The following LINGO2 variants were observed in gnomAD, a reference collection of about 807,000 sequenced individuals.
LINGO2 encodes leucine rich repeat and Ig domain containing 2.
Under a neutral mutation model 30.6 loss-of-function variants are expected in LINGO2, and 14 were observed. The observed-to-expected ratio is 0.46, with a 90% confidence interval of 0.30 to 0.72. The LOEUF is 0.72. LINGO2 is among the 30% of genes least tolerant of loss of function. The pLI is 0.07. For missense variants in LINGO2, 729 were observed against 751.7 expected, an observed-to-expected ratio of 0.97 and a Z score of 0.35; for synonymous variants, 317 against 288.5, an observed-to-expected ratio of 1.10 and a Z score of -1.00.
At chr9:28,425,975 A>T (rs1331485928) in intron 2 of LINGO2, among the ~76,000 whole-genome samples, 1 of 152,068 alleles carries the variant, frequency 6.6e-6, no homozygotes, top group Non-Finnish European at 1.5e-5. Context: ...TATTTTCAAG[A>T]TTAAATTCAT....
intron 5 of LINGO2, among the ~76,000 whole-genome samples, chr9:27,952,096 A>G (rs375420732): frequency 8.9e-4 from 135 of 152,198 alleles, no homozygotes; most frequent in African/African-American, 3.1e-3. Flanking sequence ...ATTAATGTCT[A>G]TCATGGAAAC....
chr9:28,928,305 T>C, the LINGO2 span, among the ~76,000 whole-genome samples: 33 of 152,196 alleles, frequency 2.2e-4, no homozygotes, highest in Admixed American at 2.2e-3. Context: ...AATATTCTCA[T>C]GGAATAAATT....
intron 1 of LINGO2, among the ~76,000 whole-genome samples, chr9:28,517,797 C>T (rs1157073969): frequency 2.0e-5 from 3 of 152,150 alleles, no homozygotes; most frequent in Non-Finnish European, 1.5e-5. Flanking sequence ...AATGTTTACT[C>T]TACCCAGAAG....
At chr9:28,947,421 TTCTGCA>T in the LINGO2 span, among the ~76,000 whole-genome samples, 1 of 152,052 alleles carries the variant, frequency 6.6e-6, no homozygotes, top group African/African-American at 2.4e-5. Flanking sequence ...GAACTTCTGT[TTCTGCA>T]TCTTTACTCT....
the LINGO2 span, among the ~76,000 whole-genome samples, chr9:28,966,263 G>T: frequency 1.3e-5 from 2 of 152,084 alleles, no homozygotes; most frequent in African/African-American, 4.8e-5. Flanking sequence ...TTGAGAAGCA[G>T]GGTAAGAATC....
the LINGO2 span, among the ~76,000 whole-genome samples, chr9:29,031,480 A>G: frequency 6.6e-6 from 1 of 151,930 alleles, no homozygotes; most frequent in East Asian, 1.9e-4. Flanking sequence ...ACAGAGTTTC[A>G]GCATGTTGGC....
chr9:27,980,644 T>C (rs932538340), intron 5 of LINGO2, among the ~76,000 whole-genome samples: 5 of 151,888 alleles, frequency 3.3e-5, no homozygotes, highest in Admixed American at 2.0e-4. Context: ...CTCTTTTCAT[T>C]TGTTGGTATG....
At chr9:28,097,420 GA>G (rs1826277047) in intron 4 of LINGO2, among the ~76,000 whole-genome samples, 2 of 145,864 alleles carry the variant, frequency 1.4e-5, no homozygotes, top group Non-Finnish European at 3.0e-5. Flanking sequence ...CAATAGCAAA[GA>G]CTTGGAACCA....
intron 3 of LINGO2, among the ~76,000 whole-genome samples, chr9:28,340,917 G>C (rs1304784346): frequency 2.0e-5 from 3 of 152,044 alleles, no homozygotes; most frequent in Non-Finnish European, 4.4e-5. Context: ...AGAAAATCTA[G>C]CAATAAATTC....
intron 2 of LINGO2, among the ~76,000 whole-genome samples, chr9:28,432,017 G>A (rs1256182414): frequency 6.6e-6 from 1 of 151,940 alleles, no homozygotes; most frequent in Non-Finnish European, 1.5e-5. Flanking sequence ...TTCATTGTAT[G>A]TACATCCAGA....
the LINGO2 span, among the ~76,000 whole-genome samples, chr9:28,948,533 A>G: frequency 6.6e-6 from 1 of 152,100 alleles, no homozygotes; most frequent in African/African-American, 2.4e-5. Flanking sequence ...ACACACAGAT[A>G]CATATATGCA....
At chr9:28,305,509 T>A (rs1824311295) in intron 3 of LINGO2, among the ~76,000 whole-genome samples, 1 of 152,074 alleles carries the variant, frequency 6.6e-6, no homozygotes, top group Non-Finnish European at 1.5e-5. Context: ...TATGTGGATT[T>A]AGTAAGGCTA....
chr9:28,899,299 G>A, the LINGO2 span, among the ~76,000 whole-genome samples: 1 of 152,170 alleles, frequency 6.6e-6, no homozygotes. Context: ...CATCAGTGCT[G>A]GGCTGGATCC....
the LINGO2 span, among the ~76,000 whole-genome samples, chr9:29,139,259 T>C: frequency 6.6e-6 from 1 of 152,136 alleles, no homozygotes; most frequent in Non-Finnish European, 1.5e-5. Context: ...CCTAGCCTAA[T>C]ACCTTGATTA....
chr9:28,795,324 A>G, the LINGO2 span, among the ~76,000 whole-genome samples: 1 of 152,356 alleles, frequency 6.6e-6, no homozygotes, highest in African/African-American at 2.4e-5. Flanking sequence ...CTAATCAGAC[A>G]ATAAGGTCTT....
chr9:28,197,705 A>G (rs1352574193), intron 4 of LINGO2, among the ~76,000 whole-genome samples: 1 of 151,988 alleles, frequency 6.6e-6, no homozygotes, highest in Non-Finnish European at 1.5e-5. Flanking sequence ...GAAAGAGTAA[A>G]TGAAATTTAG....
the LINGO2 span, among the ~76,000 whole-genome samples, chr9:28,803,223 C>T: frequency 6.6e-6 from 1 of 151,748 alleles, no homozygotes. Context: ...AAGTGGATTA[C>T]AAACAGAAGT....
the LINGO2 span, among the ~76,000 whole-genome samples, chr9:28,721,037 A>G: frequency 6.6e-6 from 1 of 152,088 alleles, no homozygotes; most frequent in Admixed American, 6.6e-5. Flanking sequence ...TCAAAAGAAG[A>G]CATTTATGTG....
intron 4 of LINGO2, among the ~76,000 whole-genome samples, chr9:28,237,298 A>T (rs941752923): frequency 4.6e-5 from 7 of 152,232 alleles, no homozygotes; most frequent in African/African-American, 7.2e-5. Flanking sequence ...CACACAAAAA[A>T]TTTTCAAAGC....
Sources: gnomAD v4.1 joint callset for allele counts (sites outside exome capture counted in the v4.1 genomes callset) on GRCh38, gnomAD v4.1.1 for gene constraint, MANE v1.5 for transcripts, NCBI Gene and HGNC (gene_info 2026-07-23, HGNC 2026-07-21) for gene names.